ABCC1: variants seen among roughly 807,000 people sequenced by gnomAD.
ABCC1 encodes ATP binding cassette subfamily C member 1 (ABCC1 blood group), also known as multidrug resistance-associated protein 1.
A neutral mutation model predicts 172.9 loss-of-function variants in ABCC1; 83 were observed. That is an observed-to-expected ratio of 0.48 (90% confidence interval 0.40 to 0.58). The LOEUF (loss-of-function observed/expected upper bound fraction) is 0.58. ABCC1 is among the 20% of genes least tolerant of loss of function. The pLI is 0.00. For synonymous variants in ABCC1, 937 were observed against 825.2 expected (o/e 1.14, Z -2.32); for missense variants, 1,817 against 2,002.7 (o/e 0.91, Z 1.77).
At chr16:16,057,818 C>CA (rs2049734721) in intron 12 of ABCC1, among the ~76,000 whole-genome samples, 1 of 152,194 alleles carries the variant, frequency 6.6e-6, no homozygotes, top group East Asian at 1.9e-4. Context: ...CTCTGTCCCC[C>CA]AGGCTGGAGT....
chr16:16,076,516 G>A (rs2050579652), intron 15 of ABCC1, 115 bp downstream of exon 15: 1 of 1,035,248 alleles, frequency 9.7e-7, no homozygotes, highest in Non-Finnish European at 1.4e-6. Flanking sequence ...AACTCACTTT[G>A]CCTTTCTAAG....
chr16:16,086,711 C>CT, intron 17 of ABCC1, 113 bp from the exon 18 acceptor site: 3 of 1,198,604 alleles, frequency 2.5e-6, no homozygotes, highest in Non-Finnish European at 2.4e-6. Flanking sequence ...TCAAGCAGTC[C>CT]TTCCACCTTG....
intron 13 of ABCC1, among the ~76,000 whole-genome samples, chr16:16,068,932 A>G (rs901243182): frequency 2.0e-5 from 3 of 151,004 alleles, no homozygotes; most frequent in Non-Finnish European, 4.4e-5. Flanking sequence ...GGTTGCAGTG[A>G]GCCAAGATCG....
intron 1 of ABCC1, among the ~76,000 whole-genome samples, chr16:15,965,817 G>A (rs561716461): frequency 3.3e-5 from 5 of 151,758 alleles, no homozygotes; most frequent in Admixed American, 2.6e-4. Flanking sequence ...GGCTGGTCTC[G>A]AACTCCTGAC....
At chr16:16,116,442 A>G (rs1236343116) in intron 23 of ABCC1, among the ~76,000 whole-genome samples, 4 of 152,182 alleles carry the variant, frequency 2.6e-5, no homozygotes, top group East Asian at 3.8e-4. Context: ...ATACATACCT[A>G]TGATAAAGTT....
At chr16:16,140,256 C>T (rs944384861) in intron 30 of ABCC1, among the ~76,000 whole-genome samples, 10 of 152,172 alleles carry the variant, frequency 6.6e-5, no homozygotes, top group African/African-American at 1.2e-4. Context: ...TCTTAGAGCA[C>T]CATGTAACCA....
intron 1 of ABCC1, among the ~76,000 whole-genome samples, chr16:15,994,490 C>T (rs967182850): frequency 2.6e-5 from 4 of 152,144 alleles, no homozygotes; most frequent in East Asian, 1.9e-4. Flanking sequence ...CTGTGCCTGG[C>T]GTGATCACTC....
Position 16,057,535 on chromosome 16 carries a change from TAAA to T in ABCC1, c.1677+1251_1677+1253del, listed in dbSNP as rs11399369. Among the ~76,000 whole-genome samples the T allele has an allele frequency of 2.5e-3, 371 of 145,602 alleles. 2 individuals are homozygous for T. The highest frequency in any genetic ancestry group is 8.9e-3 in the African/African-American group (356 of 40,002). ...GCTGAACAAATATTGTCATCCATTG[TAAA>T]AAAAAAAAAATACAGAAAGATATAA... On this transcript the variant is annotated intron_variant, in intron 12 of 30. Coordinates refer to ENST00000399410, the MANE Select transcript of ABCC1 (RefSeq NM_004996.4).
chr16:16,113,045 G>T (rs1294948946), intron 22 of ABCC1, among the ~76,000 whole-genome samples: 1 of 152,160 alleles, frequency 6.6e-6, no homozygotes, highest in Non-Finnish European at 1.5e-5. Flanking sequence ...GGAAGTTGCT[G>T]CTCTGGAACA....
intron 8 of ABCC1, among the ~76,000 whole-genome samples, chr16:16,045,207 G>GC (rs1471732138): frequency 2.0e-5 from 3 of 151,794 alleles, no homozygotes; most frequent in Non-Finnish European, 1.5e-5. Context: ...GTCAAGACCA[G>GC]CCTGGCCAGC....
intron 14 of ABCC1, among the ~76,000 whole-genome samples, chr16:16,072,640 C>T (rs2050396155): frequency 6.6e-6 from 1 of 151,936 alleles, no homozygotes; most frequent in Admixed American, 6.6e-5. Context: ...CCTGGCCATG[C>T]ATTTTTATTG....
chr16:16,094,910 C>T (rs528660604), intron 19 of ABCC1, among the ~76,000 whole-genome samples: 9 of 151,388 alleles, frequency 5.9e-5, no homozygotes, highest in South Asian at 2.1e-4. Flanking sequence ...CTCCACCTCC[C>T]GGGTTCAAGA....
rs145442568 is a variant in ABCC1, at chr16:16,072,281, G to A, written c.1912+552G>A. On this transcript the variant is annotated intron_variant, in intron 14 of 30. Coordinates refer to ENST00000399410, the MANE Select transcript of ABCC1 (RefSeq NM_004996.4). The stretch of plus-strand genomic sequence containing the variant: ...CTGCAGCCTTGATTTCGTGGGCTCA[G>A]GTGATCCTCTGACCTTAGCCTCCCA... Among the ~76,000 whole-genome samples the A allele has an allele frequency of 6.4e-4, 97 of 151,956 alleles. 1 individual carries two copies. The highest frequency in any genetic ancestry group is 9.8e-4 in the Admixed American group (15 of 15,236).
In ABCC1 at chr16:16,141,358, A is replaced by T. The variant is rs1485820970; in HGVS notation, c.*77A>T. The T allele has an allele frequency of 3.7e-6, 5 of 1,362,062 alleles. No homozygotes were observed. The highest frequency in any genetic ancestry group is 5.2e-6 in the Non-Finnish European group (5 of 966,868). The allele number at this position is 1,362,062 out of a possible 1,614,324, so 84.4% of individuals were successfully genotyped here. ...CCAGGGAGGAGTCAGTACCCCTGGT[A>T]AACCAAGCCTCCCACACTGAAACCA... On this transcript the variant is annotated 3_prime_UTR_variant, in exon 31 of 31. Coordinates refer to ENST00000399410, the MANE Select transcript of ABCC1 (RefSeq NM_004996.4).
chr16:16,077,972 A>G (rs1427731073), intron 15 of ABCC1, among the ~76,000 whole-genome samples: 4 of 152,222 alleles, frequency 2.6e-5, no homozygotes, highest in Non-Finnish European at 5.9e-5. Flanking sequence ...AGCCTGGCCA[A>G]TGTGGGGAAA....
intron 1 of ABCC1, among the ~76,000 whole-genome samples, chr16:15,961,000 GTTT>G (rs745767540): frequency 1.0e-4 from 11 of 107,704 alleles, no homozygotes; most frequent in South Asian, 3.4e-4. Flanking sequence ...TGAAACGCAG[GTTT>G]TTTTTTTTTT....
intron 27 of ABCC1, 41 bp downstream of exon 27, chr16:16,131,976 G>A (rs1160383077): frequency 1.9e-6 from 3 of 1,595,144 alleles, no homozygotes; most frequent in South Asian, 1.1e-5. Context: ...ATTCCCAGTC[G>A]GGCACAGGGT....
intron 21 of ABCC1, among the ~76,000 whole-genome samples, chr16:16,109,520 A>G (rs1567415272): frequency 6.6e-6 from 1 of 152,190 alleles, no homozygotes; most frequent in Non-Finnish European, 1.5e-5. Flanking sequence ...AAAGCTTGAA[A>G]TGACAATGAG....
At chr16:16,038,483 G>T (rs2048839788) in intron 7 of ABCC1, among the ~76,000 whole-genome samples, 1 of 152,170 alleles carries the variant, frequency 6.6e-6, no homozygotes, top group Admixed American at 6.5e-5. Context: ...GCAGAAGAGA[G>T]AGTGCCTGCA....
Sources: allele counts gnomAD v4.1 joint callset (sites outside exome capture counted in the v4.1 genomes callset), GRCh38; gene constraint gnomAD v4.1.1; transcripts MANE v1.5; gene names NCBI Gene and HGNC (gene_info 2026-07-23, HGNC 2026-07-21).